HAUS1: variants seen among roughly 807,000 people sequenced by gnomAD.
HAUS1 encodes HAUS augmin-like complex subunit 1.
HAUS1 carries 25 observed loss-of-function variants against 38.6 expected under a neutral mutation model. The ratio of observed to expected loss-of-function variants is 0.65; its 90% CI spans 0.47 to 0.91. HAUS1 has a LOEUF of 0.91. Ranked by LOEUF, HAUS1 falls within the 40% of genes least tolerant of loss-of-function variation. The pLI is 0.00. For missense variants in HAUS1, 325 were observed against 328.4 expected, an observed-to-expected ratio of 0.99 and a Z score of 0.08; for synonymous variants, 109 against 112.9, an observed-to-expected ratio of 0.97 and a Z score of 0.22.
In HAUS1 at chr18:46,123,346, C is replaced by T. The variant is rs1333007472; in HGVS notation, c.648C>T (p.Ser216=). The T allele has an allele frequency of 6.2e-7, 1 of 1,609,628 alleles. No homozygotes were observed. The change falls in exon 6 of 9, where the codon TCC becomes TCT. Residue 216 remains serine (S), a synonymous_variant. Transcript: ENST00000282058. ...TGGATGCTTCTCTGTCTCATCAGTC[C>T]TTAGTAGCACTATCAGAGGTGAGCT... ...RGMDASLSHQ[S]LVALSEKLAR... is the part of the protein sequence containing the mutation.
chr18:46,106,057 C>G (rs1177349407), intron 2 of HAUS1, among the ~76,000 whole-genome samples: 2 of 152,172 alleles, frequency 1.3e-5, no homozygotes, highest in South Asian at 4.1e-4. Context: ...TTTAGTCATA[C>G]GGACCTATCA....
chr18:46,108,573 T>C (rs1911535610), intron 2 of HAUS1, among the ~76,000 whole-genome samples: 1 of 152,204 alleles, frequency 6.6e-6, no homozygotes, highest in Non-Finnish European at 1.5e-5. Flanking sequence ...AATTTACAAG[T>C]ACAAATTTCC....
At chr18:46,113,161 T>TCA (rs752954942) in intron 2 of HAUS1, among the ~76,000 whole-genome samples, 4 of 149,172 alleles carry the variant, frequency 2.7e-5, no homozygotes, top group Non-Finnish European at 5.9e-5. Context: ...GCTGCAGCCT[T>TCA]CACCTTCTGG....
At chr18:46,105,436 T>C (rs1271559662) in intron 2 of HAUS1, 68 bp downstream of exon 2, 1 of 1,346,140 alleles carries the variant, frequency 7.4e-7, no homozygotes, top group Admixed American at 2.3e-5. Flanking sequence ...CACTAAAGTA[T>C]ACAGGATTAA....
intron 2 of HAUS1, among the ~76,000 whole-genome samples, chr18:46,106,247 G>A (rs1477193503): frequency 6.6e-6 from 1 of 152,136 alleles, no homozygotes; most frequent in Non-Finnish European, 1.5e-5. Context: ...GAGGCGGGCG[G>A]ATCACAAGGT....
chr18:46,110,347 T>TTTTG (rs1911593600), intron 2 of HAUS1, among the ~76,000 whole-genome samples: 2 of 132,138 alleles, frequency 1.5e-5, no homozygotes, highest in African/African-American at 2.8e-5. Flanking sequence ...TTTTTTTTTT[T>TTTTG]TTTTTTTTTT....
chr18:46,126,101 C>A (rs2144267316), intron 8 of HAUS1: 2 of 181,378 alleles, frequency 1.1e-5, no homozygotes, highest in Non-Finnish European at 1.2e-5. Context: ...ATGGGGAAAC[C>A]CTGTCTCTAT....
Position 46,104,390 on chromosome 18 carries a change from T to C in HAUS1, c.-22T>C, listed in dbSNP as rs1401194020. The C allele has an allele frequency of 1.4e-6, 2 of 1,457,942 alleles. No homozygotes were observed. The allele number at this position is 1,457,942 out of a possible 1,614,324, so 90.3% of individuals were successfully genotyped here. On this transcript the variant is annotated 5_prime_UTR_variant, in exon 1 of 9. Transcript: ENST00000282058. ...CGCATCTCCCGCTAGGAGTTCCTAG[T>C]AAAGTGGCGGGAGCCGCAGCTATGG...
At chr18:46,110,783 C>A (rs1174729836) in intron 2 of HAUS1, among the ~76,000 whole-genome samples, 2 of 151,066 alleles carry the variant, frequency 1.3e-5, no homozygotes, top group African/African-American at 4.9e-5. Context: ...ATTTCACTGT[C>A]TTCTGGCCTA....
rs1911629705 is a variant in HAUS1, at chr18:46,111,347, CAG to C, written c.205+5982_205+5983del. ...ATTATTAATGTTATTATTTTTGAGA[CAG>C]AGTCTCACTCTGTTGCCCAGGCTGG... On this transcript the variant is annotated intron_variant, in intron 2 of 8. Transcript: ENST00000282058. 4.0e-5 allele frequency among the ~76,000 whole-genome samples: 6 copies of C among 151,136 alleles called. No homozygotes were observed. In the South Asian group the frequency reaches 1.3e-3, roughly 32 times the overall value.
At chr18:46,118,484 G>A in intron 3 of HAUS1, 168 bp downstream of exon 3, 3 of 604,874 alleles carry the variant, frequency 5.0e-6, no homozygotes, top group Non-Finnish European at 8.5e-6. Context: ...GATAAATATG[G>A]TATTGGTTAA....
At chr18:46,119,084 T>C (rs141978471) in intron 3 of HAUS1, among the ~76,000 whole-genome samples, 25 of 152,238 alleles carry the variant, frequency 1.6e-4, no homozygotes, top group African/African-American at 6.0e-4. Context: ...CTGGCCAGGC[T>C]GGTCTCAAAC....
At chr18:46,105,984 C>T (rs1243379994) in intron 2 of HAUS1, among the ~76,000 whole-genome samples, 1 of 152,182 alleles carries the variant, frequency 6.6e-6, no homozygotes, top group African/African-American at 2.4e-5. Context: ...GTTAGTCTGA[C>T]ACACAAGATG....
intron 4 of HAUS1, among the ~76,000 whole-genome samples, 192 bp from the exon 5 acceptor site, chr18:46,122,274 AG>A (rs1280007839): frequency 6.6e-6 from 1 of 151,022 alleles, no homozygotes; most frequent in African/African-American, 2.4e-5. Context: ...ACTGCATTCA[AG>A]CCTGGGTGAC....
Position 46,120,875 on chromosome 18 carries a change from C to T in HAUS1, c.476+815C>T, listed in dbSNP as rs527911601. Among the ~76,000 whole-genome samples the T allele has an allele frequency of 5.9e-5, 9 of 152,260 alleles. No homozygotes were observed. The East Asian group carries it at 1.5e-3, about 26-fold the overall frequency. On this transcript the variant is annotated intron_variant, in intron 4 of 8. Transcript: ENST00000282058. The stretch of plus-strand genomic sequence containing the variant: ...TGCTAGGATTACAGGCATGAGCCAC[C>T]GCACCCAGCCTCCTGCCTTTTCTTA...
intron 6 of HAUS1, among the ~76,000 whole-genome samples, chr18:46,124,528 G>A (rs919789458): frequency 7.3e-5 from 11 of 151,588 alleles, no homozygotes; most frequent in African/African-American, 2.4e-4. Context: ...TGAGGCCACC[G>A]TAAGCCATGA....
At chr18:46,112,455 C>T (rs866857709) in intron 2 of HAUS1, among the ~76,000 whole-genome samples, 5 of 21,412 alleles carry the variant, frequency 2.3e-4, no homozygotes, top group East Asian at 1.2e-3. Context: ...TGTATATATT[C>T]CATATTATAT....
chr18:46,120,380 A>G lies in HAUS1; in HGVS notation c.476+320A>G, dbSNP rs538205654. Among the ~76,000 whole-genome samples, 3 of 151,256 alleles carry G rather than the reference A, an allele frequency of 2.0e-5. No individual in the cohort carries two copies. The South Asian group carries it at 6.3e-4, about 32-fold the overall frequency. ...CTCCCGAGTAGCTGGGATTACAGGCATGAGCCACCATGCCCAGCTAATTTT... is the reference window on the plus strand; with the variant it reads ...CTCCCGAGTAGCTGGGATTACAGGCGTGAGCCACCATGCCCAGCTAATTTT... On this transcript the variant is annotated intron_variant, in intron 4 of 8. Transcript: ENST00000282058.
At chr18:46,118,490 G>C in intron 3 of HAUS1, 174 bp downstream of exon 3, 1 of 592,936 alleles carries the variant, frequency 1.7e-6, no homozygotes, top group Non-Finnish European at 2.9e-6. Context: ...TATGGTATTG[G>C]TTAATTTTTA....
Sources: gnomAD v4.1 joint callset for allele counts (sites outside exome capture counted in the v4.1 genomes callset) on GRCh38, gnomAD v4.1.1 for gene constraint, MANE v1.5 for transcripts, NCBI Gene and HGNC (gene_info 2026-07-23, HGNC 2026-07-21) for gene names.